Variants in SDK1 observed in about 807,000 individuals in gnomAD.
The protein encoded by SDK1 is sidekick cell adhesion molecule 1, also known as protein sidekick-1.
SDK1 carries 157 observed loss-of-function variants against 245.5 expected under a neutral mutation model. The observed-to-expected ratio is 0.64, with a 90% CI of 0.56 to 0.73. The LOEUF (loss-of-function observed/expected upper bound fraction) is 0.73, where lower values mean the gene tolerates loss of function less well. Ranked by LOEUF, SDK1 falls within the 30% of genes least tolerant of loss-of-function variation. The pLI is 0.00. For missense variants in SDK1, 3,583 were observed against 3,002.3 expected (o/e 1.19, Z -4.52); for synonymous variants, 1,647 against 1,278.5 (o/e 1.29, Z -6.15).
intron 1 of SDK1, among the ~76,000 whole-genome samples, chr7:3,437,573 A>G (rs1182445762): frequency 1.3e-5 from 2 of 152,008 alleles, no homozygotes; most frequent in Non-Finnish European, 2.9e-5. Flanking sequence ...GGAGTTTGAG[A>G]TCAGCCTGGG....
chr7:3,543,397 G>T (rs929909238), intron 1 of SDK1, among the ~76,000 whole-genome samples: 1 of 152,246 alleles, frequency 6.6e-6, no homozygotes, highest in East Asian at 1.9e-4. Context: ...CCCCATAGGG[G>T]AGCCATTCTT....
intron 14 of SDK1, among the ~76,000 whole-genome samples, chr7:4,005,238 G>T (rs1014301372): frequency 6.6e-6 from 1 of 151,320 alleles, no homozygotes; most frequent in Non-Finnish European, 1.5e-5. Context: ...GTAGAGACAG[G>T]GTTTTACCAT....
At chr7:4,071,148 C>T (rs560400251) in intron 20 of SDK1, among the ~76,000 whole-genome samples, 5 of 152,188 alleles carry the variant, frequency 3.3e-5, no homozygotes, top group African/African-American at 1.2e-4. Context: ...CCTTAGCCTC[C>T]CAAGTAGCTG....
chr7:4,249,979 T>C (rs1390389944), intron 44 of SDK1, among the ~76,000 whole-genome samples: 1 of 152,140 alleles, frequency 6.6e-6, no homozygotes, highest in Non-Finnish European at 1.5e-5. Context: ...TTTTAGAACA[T>C]TTCCATCAGC....
intron 2 of SDK1, among the ~76,000 whole-genome samples, chr7:3,630,761 T>C (rs1018750345): frequency 1.3e-5 from 2 of 152,152 alleles, no homozygotes; most frequent in Admixed American, 6.5e-5. Context: ...AAAGAAGACC[T>C]AAATCAATGG....
At chr7:3,869,396 T>C (rs1489385980) in intron 5 of SDK1, among the ~76,000 whole-genome samples, 1 of 152,128 alleles carries the variant, frequency 6.6e-6, no homozygotes, top group African/African-American at 2.4e-5. Context: ...CCTCAGGTGA[T>C]CTGCCTGCCT....
chr7:3,619,204 T>C lies in SDK1; in HGVS notation c.423T>C (p.Asp141=), dbSNP rs749627905. The C allele has an allele frequency of 6.2e-7, 1 of 1,613,574 alleles. No homozygotes were observed. Among genetic ancestry groups the C allele is most frequent in the Admixed American group, 1.7e-5 (1 of 60,016 alleles). ...CTTTGGAGTTCAAGTGGATGCGCGA[T>C]GACAGTGAGCTCACCACCTACAGCA... The part of the protein sequence containing the change: ...SWPLEFKWMR[D]DSELTTYSSE... Residue 141 remains aspartate (D), a synonymous_variant, in exon 2 of 45, where the codon GAT becomes GAC. Coordinates refer to ENST00000404826, the MANE Select transcript of SDK1 (RefSeq NM_152744.4).
intron 1 of SDK1, among the ~76,000 whole-genome samples, chr7:3,339,274 T>TA (rs1780282949): frequency 6.6e-6 from 1 of 152,068 alleles, no homozygotes; most frequent in African/African-American, 2.4e-5. Flanking sequence ...AACCTCAAGA[T>TA]ACATGAAGCA....
chr7:4,029,424 T>C (rs1787617799), intron 17 of SDK1, among the ~76,000 whole-genome samples: 1 of 152,114 alleles, frequency 6.6e-6, no homozygotes, highest in South Asian at 2.1e-4. Context: ...TTGGGCAGGC[T>C]GGTCTTGAAC....
At chr7:3,816,515 T>A (rs965446960) in intron 4 of SDK1, among the ~76,000 whole-genome samples, 1 of 151,266 alleles carries the variant, frequency 6.6e-6, no homozygotes, top group Non-Finnish European at 1.5e-5. Flanking sequence ...ATACATTCCT[T>A]GACACATACA....
chr7:3,362,149 C>A (rs1032059464), intron 1 of SDK1, among the ~76,000 whole-genome samples: 1 of 152,164 alleles, frequency 6.6e-6, no homozygotes, highest in Non-Finnish European at 1.5e-5. Flanking sequence ...ATAAATAACT[C>A]TTACTGTAGA....
intron 5 of SDK1, among the ~76,000 whole-genome samples, chr7:3,938,762 G>T (rs1002666247): frequency 6.6e-6 from 1 of 151,882 alleles, no homozygotes; most frequent in Non-Finnish European, 1.5e-5. Flanking sequence ...GTCCAATCAC[G>T]CACCTGTTTT....
chr7:3,806,194 A>G (rs1286000829), intron 4 of SDK1, among the ~76,000 whole-genome samples: 2 of 152,224 alleles, frequency 1.3e-5, no homozygotes, highest in Admixed American at 1.3e-4. Context: ...GACTCACCCA[A>G]ATAATCCAAG....
chr7:4,037,004 A>G (rs59332676), intron 17 of SDK1, among the ~76,000 whole-genome samples: 2,662 of 152,276 alleles, frequency 0.017, 80 homozygotes, highest in African/African-American at 0.061. Context: ...TTTGATACCA[A>G]TATCCTCTGC....
chr7:4,212,432 G>A (rs1354000684), intron 38 of SDK1, among the ~76,000 whole-genome samples: 3 of 152,082 alleles, frequency 2.0e-5, no homozygotes, highest in Admixed American at 6.5e-5. Flanking sequence ...AAAAAATCAC[G>A]TCTTAGACAA....
At chr7:3,794,124 A>T (rs911280097) in intron 4 of SDK1, among the ~76,000 whole-genome samples, 1 of 152,094 alleles carries the variant, frequency 6.6e-6, no homozygotes, top group Non-Finnish European at 1.5e-5. Flanking sequence ...TACCTTTTTT[A>T]AAAAAAGTAT....
At chr7:4,002,879 G>T (rs919816266) in intron 14 of SDK1, among the ~76,000 whole-genome samples, 2 of 152,196 alleles carry the variant, frequency 1.3e-5, no homozygotes, top group African/African-American at 2.4e-5. Flanking sequence ...CGATGTGATG[G>T]GAGCCAAGAG....
chr7:3,430,451 C>A (rs981125421), intron 1 of SDK1, among the ~76,000 whole-genome samples: 1 of 152,160 alleles, frequency 6.6e-6, no homozygotes, highest in Non-Finnish European at 1.5e-5. Context: ...TACTCAGAAG[C>A]TTCGTCCGCC....
At position 3,604,420 on chromosome 7, in the gene SDK1, A is replaced by G. The variant is rs1008566942; in HGVS notation, c.299-14660A>G. Among the ~76,000 whole-genome samples the G allele has an allele frequency of 4.5e-4, 68 of 152,116 alleles. 1 individual carries two copies. Among genetic ancestry groups the G allele is most frequent in the African/African-American group, 1.5e-3 (61 of 41,512 alleles). On this transcript the variant is annotated intron_variant, in intron 1 of 44. Coordinates refer to ENST00000404826, the MANE Select transcript of SDK1 (RefSeq NM_152744.4). ...TTCTTTTGAGGTAGGAAGGTGGGTT[A>G]TTGACTTCAGGCTTTCCCTCTTTCT...
Sources: allele counts gnomAD v4.1 joint callset (sites outside exome capture counted in the v4.1 genomes callset), GRCh38; gene constraint gnomAD v4.1.1; transcripts MANE v1.5; gene names NCBI Gene and HGNC (gene_info 2026-07-23, HGNC 2026-07-21).